Variants in SHC4 observed in about 807,000 individuals in gnomAD.
The protein encoded by SHC4 is SHC-transforming protein 4.
SHC4 carries 41 observed loss-of-function variants against 69.4 expected under a neutral mutation model. The observed-to-expected ratio is 0.59, with a 90% CI of 0.46 to 0.77. SHC4 has a LOEUF of 0.77. Among genes scored for constraint, SHC4 ranks in the 30% least tolerant of loss-of-function variants. SHC4 has a pLI of 0.00. For synonymous variants in SHC4, 318 were observed against 299.3 expected, an observed-to-expected ratio of 1.06 and a Z score of -0.64; for missense variants, 777 against 783.8, an observed-to-expected ratio of 0.99 and a Z score of 0.10.
chr15:48,854,515 T>C (rs1413363064), intron 8 of SHC4, among the ~76,000 whole-genome samples: 2 of 152,176 alleles, frequency 1.3e-5, no homozygotes, highest in African/African-American at 4.8e-5. Flanking sequence ...GACACATGCA[T>C]TTCTATGTTC....
At chr15:48,844,237 T>A (rs1314330389) in intron 9 of SHC4, among the ~76,000 whole-genome samples, 1 of 152,184 alleles carries the variant, frequency 6.6e-6, no homozygotes, top group East Asian at 1.9e-4. Context: ...CCTCTATTAA[T>A]CTGTCCTCTC....
intron 1 of SHC4, among the ~76,000 whole-genome samples, chr15:48,937,505 TA>T (rs912608548): frequency 2.6e-5 from 4 of 152,160 alleles, no homozygotes; most frequent in African/African-American, 9.7e-5. Context: ...GATCCTGACC[TA>T]AAGAAGTTTA....
chr15:48,943,973 AAG>A, intron 1 of SHC4, among the ~76,000 whole-genome samples: 1 of 152,090 alleles, frequency 6.6e-6, no homozygotes, highest in East Asian at 2.0e-4. Context: ...GTAAGGTAGA[AAG>A]AGGGAACGGA....
chr15:48,867,508 T>C (rs1196233997), intron 6 of SHC4, among the ~76,000 whole-genome samples: 4 of 152,200 alleles, frequency 2.6e-5, no homozygotes, highest in Non-Finnish European at 5.9e-5. Flanking sequence ...TGATCTTACA[T>C]GTAATTCATT....
At chr15:48,857,569 T>A (rs1056017033) in intron 7 of SHC4, 123 bp downstream of exon 7, 13 of 895,680 alleles carry the variant, frequency 1.5e-5, no homozygotes, top group Non-Finnish European at 1.8e-5. Flanking sequence ...AAAAAATTAC[T>A]AATTTTATTA....
intron 1 of SHC4, among the ~76,000 whole-genome samples, chr15:48,949,244 G>A (rs1416524772): frequency 5.3e-5 from 8 of 151,804 alleles, no homozygotes; most frequent in African/African-American, 1.2e-4. Flanking sequence ...GGTGGTGGGC[G>A]CCTGTAGTCC....
At chr15:48,865,721 T>G (rs1217092092) in intron 6 of SHC4, among the ~76,000 whole-genome samples, 6 of 152,208 alleles carry the variant, frequency 3.9e-5, no homozygotes, top group Non-Finnish European at 7.3e-5. Flanking sequence ...TGATTTGGAC[T>G]GTTTCTGTCC....
intron 11 of SHC4, among the ~76,000 whole-genome samples, chr15:48,827,900 G>A (rs1369708252): frequency 1.3e-5 from 2 of 152,110 alleles, no homozygotes; most frequent in East Asian, 3.9e-4. Context: ...AGTGGTGACT[G>A]CCCCCTTACA....
rs115652113 is a variant in SHC4 at position 48,892,359 on chromosome 15, A to T, written c.657-1548T>A. On this transcript the variant is annotated intron_variant, in intron 2 of 11. Transcript: ENST00000332408. The stretch of plus-strand genomic sequence containing the variant: ...TATTATCTTGTCTGATTTTTGCATA[A>T]TTATCTGCAACCAAAGGATAGAATG... Among the ~76,000 whole-genome samples the T allele has an allele frequency of 2.9e-3, 442 of 152,232 alleles. 1 individual carries two copies. Among genetic ancestry groups the T allele is most frequent in the African/African-American group, 0.01 (434 of 41,544 alleles).
chr15:48,874,439 G>C (rs1899754281), intron 4 of SHC4, among the ~76,000 whole-genome samples: 1 of 152,014 alleles, frequency 6.6e-6, no homozygotes. Flanking sequence ...GGATGAGCAA[G>C]AGAAGCTTCA....
rs139784303 is a variant in SHC4, at chr15:48,859,515, G to A, written c.947-1700C>T. On this transcript the variant is annotated intron_variant, in intron 6 of 11. Transcript: ENST00000332408. ...TAAATTTATGTCTTTCCTACCAAAG[G>A]AAAATATTTGGTCTATCTTTACACT... Among the ~76,000 whole-genome samples, 262 of 152,190 alleles carry A rather than the reference G, an allele frequency of 1.7e-3. 3 individuals carry two copies. The East Asian group carries it at 0.041, about 24-fold the overall frequency.
intron 2 of SHC4, among the ~76,000 whole-genome samples, chr15:48,904,863 G>A (rs1900379132): frequency 6.6e-6 from 1 of 151,626 alleles, no homozygotes; most frequent in East Asian, 1.9e-4. Context: ...TCCAGCCTGG[G>A]TTACAGCATC....
intron 2 of SHC4, among the ~76,000 whole-genome samples, chr15:48,918,743 GA>G (rs1488827761): frequency 6.6e-6 from 1 of 152,092 alleles, no homozygotes; most frequent in Non-Finnish European, 1.5e-5. Flanking sequence ...AACGTTATTT[GA>G]AACACCAAGG....
intron 11 of SHC4, among the ~76,000 whole-genome samples, chr15:48,831,176 T>G (rs1048566378): frequency 2.0e-5 from 3 of 152,110 alleles, no homozygotes; most frequent in African/African-American, 4.8e-5. Context: ...TACAAAAAAG[T>G]CAAAAGATTA....
At chr15:48,880,878 G>A (rs967140505) in intron 4 of SHC4, among the ~76,000 whole-genome samples, 1 of 151,962 alleles carries the variant, frequency 6.6e-6, no homozygotes, top group Non-Finnish European at 1.5e-5. Context: ...CTATTTATTA[G>A]CTCAGTAACT....
chr15:48,947,109 A>T (rs1901290908), intron 1 of SHC4: 1 of 152,226 alleles, frequency 6.6e-6, no homozygotes, highest in South Asian at 2.1e-4. Context: ...TCCAAGATAC[A>T]TATTTTTTCA....
chr15:48,924,041 T>C (rs183637086), intron 2 of SHC4, among the ~76,000 whole-genome samples: 51 of 152,256 alleles, frequency 3.3e-4, no homozygotes, highest in African/African-American at 1.2e-3. Context: ...TTTCTAGGCC[T>C]AGAATTTCAT....
intron 3 of SHC4, among the ~76,000 whole-genome samples, chr15:48,885,155 G>A (rs1218565164): frequency 6.6e-6 from 1 of 152,158 alleles, no homozygotes. Context: ...CATGAGAGCA[G>A]GGGGTACCCA....
chr15:48,921,430 G>T (rs1262635311), intron 2 of SHC4, among the ~76,000 whole-genome samples: 1 of 151,992 alleles, frequency 6.6e-6, no homozygotes, highest in African/African-American at 2.4e-5. Context: ...CGCCTCCCGG[G>T]TTCAAGCAAT....
Sources: gnomAD v4.1 joint callset for allele counts (sites outside exome capture counted in the v4.1 genomes callset) on GRCh38, gnomAD v4.1.1 for gene constraint, MANE v1.5 for transcripts, NCBI Gene and HGNC (gene_info 2026-07-23, HGNC 2026-07-21) for gene names.